SDK1: variants seen among roughly 807,000 people sequenced by gnomAD.
The protein encoded by SDK1 is sidekick cell adhesion molecule 1.
A neutral mutation model predicts 245.5 loss-of-function variants in SDK1; 157 were observed. The ratio of observed to expected loss-of-function variants is 0.64; its 90% CI spans 0.56 to 0.73. The LOEUF is 0.73. SDK1 is among the 30% of genes least tolerant of loss of function. SDK1 has a pLI of 0.00. For missense variants in SDK1, 3,583 were observed against 3,002.3 expected (o/e 1.19, Z -4.52); for synonymous variants, 1,647 against 1,278.5 (o/e 1.29, Z -6.15).
rs1389463236 is a variant in SDK1 at position 3,301,800 on chromosome 7, C to T, written c.214C>T (p.Arg72Trp). 1.8e-5 allele frequency: 19 copies of T among 1,042,834 alleles called. No homozygotes were observed. The highest frequency in any genetic ancestry group is 5.6e-5 in the Admixed American group (1 of 17,700). 64.6% of individuals were successfully genotyped at this position (1,042,834 alleles called of 1,614,324 possible). A position where few individuals can be genotyped will look rare whatever the true frequency, so the allele number is the denominator to read the frequency against. ...TAGAGRCGGR[R>W]AAKLGPGRRG... The stretch of plus-strand genomic sequence containing the variant: ...GGGCGCGGGGCGGTGCGGCGGGCGG[C>T]GGGCGGCAAAGTTGGGGCCGGGCCG... Residue 72 changes from arginine (R) to tryptophan (W), a missense_variant, in exon 1 of 45, where the codon CGG becomes TGG. Transcript: ENST00000404826.
chr7:3,761,775 G>A (rs1342550041), intron 4 of SDK1, among the ~76,000 whole-genome samples: 1 of 152,022 alleles, frequency 6.6e-6, no homozygotes, highest in Non-Finnish European at 1.5e-5. Context: ...TGCAGGACAG[G>A]AACGCTGAGG....
At chr7:3,660,121 T>A (rs1337315011) in intron 4 of SDK1, among the ~76,000 whole-genome samples, 1 of 152,012 alleles carries the variant, frequency 6.6e-6, no homozygotes, top group Non-Finnish European at 1.5e-5. Context: ...GTAGGTGATA[T>A]TTAAGACCTT....
In SDK1 at chr7:4,268,043, A is replaced by G; in HGVS notation, c.*2659A>G. The G allele has an allele frequency of 1.0e-6, 1 of 985,432 alleles. No individual in the cohort carries two copies. Among genetic ancestry groups the G allele is most frequent in the East Asian group, 1.1e-4 (1 of 8,812 alleles). The allele number at this position is 985,432 out of a possible 1,614,324, so 61.0% of individuals were successfully genotyped here. A position where few individuals can be genotyped will look rare whatever the true frequency, so the allele number is the denominator to read the frequency against. ...CTAGGAAGATGGAGGTTGGATTTTAATCTCGGTTTTAAAAAGAGGACAAAC... is the reference window on the plus strand; with the variant it reads ...CTAGGAAGATGGAGGTTGGATTTTAGTCTCGGTTTTAAAAAGAGGACAAAC... On this transcript the variant is annotated 3_prime_UTR_variant, in exon 45 of 45. Transcript: ENST00000404826.
At chr7:3,748,716 A>G (rs553863030) in intron 4 of SDK1, among the ~76,000 whole-genome samples, 1 of 152,328 alleles carries the variant, frequency 6.6e-6, no homozygotes, top group South Asian at 2.1e-4. Flanking sequence ...TCACAGGGCA[A>G]ATTAAATCTC....
At chr7:3,664,723 G>C (rs1251385687) in intron 4 of SDK1, among the ~76,000 whole-genome samples, 2 of 143,864 alleles carry the variant, frequency 1.4e-5, no homozygotes, top group East Asian at 4.0e-4. Context: ...CTGGGCAACA[G>C]AGCGAGACTC....
At position 4,079,564 on chromosome 7, in the gene SDK1, A is replaced by C. The variant is rs1245021335; in HGVS notation, c.3304A>C (p.Arg1102=). 4 of 1,614,028 alleles carry C rather than the reference A, an allele frequency of 2.5e-6. No individual in the cohort carries two copies. The African/African-American group carries it at 4.0e-5, about 16-fold the overall frequency. ...PGYDGKTSIS[R]WIVEGQVGAI... ...CTATGACGGGAAAACGTCCATCTCC[A>C]GGTGGATTGTTGAGGGGCAGGTACG... Residue 1102 remains arginine (R), a synonymous_variant, in exon 22 of 45, where the codon AGG becomes CGG. Transcript: ENST00000404826.
intron 1 of SDK1, among the ~76,000 whole-genome samples, chr7:3,354,672 A>T (rs902388902): frequency 6.6e-6 from 1 of 152,220 alleles, no homozygotes; most frequent in African/African-American, 2.4e-5. Context: ...TTCATTGGGA[A>T]TTAATATTGA....
chr7:3,991,997 C>G (rs1042614870), intron 14 of SDK1, among the ~76,000 whole-genome samples: 1 of 152,246 alleles, frequency 6.6e-6, no homozygotes, highest in African/African-American at 2.4e-5. Flanking sequence ...GGCCTCCACT[C>G]AGCGTGTGCA....
chr7:3,484,617 A>G (rs1317205979), intron 1 of SDK1, among the ~76,000 whole-genome samples: 2 of 152,118 alleles, frequency 1.3e-5, no homozygotes, highest in East Asian at 3.9e-4. Flanking sequence ...CCTTTCCTCT[A>G]ACTGTGGTTT....
intron 1 of SDK1, among the ~76,000 whole-genome samples, chr7:3,448,627 C>T (rs1015457077): frequency 2.0e-5 from 3 of 151,982 alleles, no homozygotes; most frequent in Non-Finnish European, 2.9e-5. Flanking sequence ...GATTTTACTT[C>T]TATATATGGT....
chr7:4,099,752 C>T lies in SDK1; in HGVS notation c.3325-10911C>T, dbSNP rs573793437. Among the ~76,000 whole-genome samples the T allele has an allele frequency of 4.1e-5, 6 of 147,882 alleles. 1 individual carries two copies. Among genetic ancestry groups the T allele is most frequent in the South Asian group, 2.2e-4 (1 of 4,524 alleles). On this transcript the variant is annotated intron_variant, in intron 22 of 44. Transcript: ENST00000404826. ...AGGGCCAAGCAGGCACAGAGTGGGG[C>T]GTGTGTGAGCGGGATGTGATGGGAG...
At chr7:4,072,412 TGGA>T (rs952514629) in intron 20 of SDK1, among the ~76,000 whole-genome samples, 14 of 152,162 alleles carry the variant, frequency 9.2e-5, no homozygotes, top group South Asian at 4.1e-4. Context: ...TGCAGCTCTT[TGGA>T]GGAGAAGGTC....
intron 5 of SDK1, among the ~76,000 whole-genome samples, chr7:3,859,445 T>C (rs999615123): frequency 8.5e-5 from 13 of 152,162 alleles, no homozygotes; most frequent in Admixed American, 8.5e-4. Context: ...GGTTTTTTTT[T>C]CAGTAAGGTA....
intron 1 of SDK1, among the ~76,000 whole-genome samples, chr7:3,575,220 T>G (rs1277909313): frequency 1.3e-5 from 2 of 152,076 alleles, no homozygotes; most frequent in Non-Finnish European, 2.9e-5. Context: ...GGTGGCTGCC[T>G]TCTTTCTGTG....
intron 4 of SDK1, among the ~76,000 whole-genome samples, chr7:3,669,839 C>A (rs1783642104): frequency 6.6e-6 from 1 of 152,194 alleles, no homozygotes; most frequent in Non-Finnish European, 1.5e-5. Context: ...GCTTCATACT[C>A]AGTAGGTTGA....
intron 5 of SDK1, among the ~76,000 whole-genome samples, chr7:3,822,679 A>G (rs756609675): frequency 6.6e-6 from 1 of 152,018 alleles, no homozygotes; most frequent in South Asian, 2.1e-4. Flanking sequence ...GAGGCAGGAG[A>G]GTCACTTGAA....
In SDK1 at chr7:4,009,889, C is replaced by T. The variant is rs185125807; in HGVS notation, c.2132-1077C>T. On this transcript the variant is annotated intron_variant, in intron 14 of 44. Coordinates refer to ENST00000404826, the MANE Select transcript of SDK1 (RefSeq NM_152744.4). ...AGTGCATTTCCAATGAGCTCGCAGGCGCAGACTTACGAATCCCCGCGGTTG... is the reference window on the plus strand; with the variant it reads ...AGTGCATTTCCAATGAGCTCGCAGGTGCAGACTTACGAATCCCCGCGGTTG... Among the ~76,000 whole-genome samples the T allele has an allele frequency of 1.2e-3, 182 of 152,290 alleles. 1 individual carries two copies. The highest frequency in any genetic ancestry group is 2.9e-3 in the Admixed American group (45 of 15,296).
chr7:3,426,932 C>T (rs1779694243), intron 1 of SDK1, among the ~76,000 whole-genome samples: 1 of 152,208 alleles, frequency 6.6e-6, no homozygotes, highest in South Asian at 2.1e-4. Flanking sequence ...CAGAGTTCTT[C>T]AAAAGTTAGC....
intron 4 of SDK1, among the ~76,000 whole-genome samples, chr7:3,819,446 A>G (rs529818605): frequency 6.6e-6 from 1 of 152,174 alleles, no homozygotes; most frequent in South Asian, 2.1e-4. Flanking sequence ...CAATAGGCAT[A>G]TTTGAAATTA....
Sources: allele counts gnomAD v4.1 joint callset (sites outside exome capture counted in the v4.1 genomes callset), GRCh38; gene constraint gnomAD v4.1.1; transcripts MANE v1.5; gene names NCBI Gene and HGNC (gene_info 2026-07-23, HGNC 2026-07-21).